Variants in SLC35F4 observed in about 807,000 individuals in gnomAD.
SLC35F4 encodes chromosome 14 open reading frame 36.
SLC35F4 carries 24 observed loss-of-function variants against 44.2 expected under a neutral mutation model. The observed-to-expected ratio is 0.54, with a 90% CI of 0.39 to 0.76. The LOEUF (loss-of-function observed/expected upper bound fraction) is 0.76. Ranked by LOEUF, SLC35F4 falls within the 30% of genes least tolerant of loss-of-function variation. The pLI is 0.00. For synonymous variants in SLC35F4, 238 were observed against 223.6 expected, an observed-to-expected ratio of 1.06 and a Z score of -0.57; for missense variants, 562 against 586.1, an observed-to-expected ratio of 0.96 and a Z score of 0.42.
intron 1 of SLC35F4, among the ~76,000 whole-genome samples, chr14:57,804,466 G>A (rs1204462019): frequency 2.6e-5 from 4 of 151,944 alleles, no homozygotes; most frequent in African/African-American, 4.8e-5. Flanking sequence ...AAATAAGACC[G>A]CACACCTACA....
intron 1 of SLC35F4, among the ~76,000 whole-genome samples, chr14:57,640,706 A>G (rs2073189075): frequency 6.6e-6 from 1 of 152,060 alleles, no homozygotes. Context: ...GCCCTGATAT[A>G]TCATTTTGGA....
intron 1 of SLC35F4, among the ~76,000 whole-genome samples, chr14:57,663,926 T>C (rs140157640): frequency 7.9e-4 from 121 of 152,290 alleles, no homozygotes; most frequent in African/African-American, 2.7e-3. Context: ...ATCCTGTTTT[T>C]ATTTTTTTGA....
At chr14:57,688,358 T>G (rs1162029248) in intron 1 of SLC35F4, among the ~76,000 whole-genome samples, 1 of 152,182 alleles carries the variant, frequency 6.6e-6, no homozygotes. Flanking sequence ...AAGAGCATAT[T>G]AAGACCTTGG....
intron 1 of SLC35F4, among the ~76,000 whole-genome samples, chr14:57,906,824 G>A (rs1019634547): frequency 1.2e-4 from 18 of 152,134 alleles, no homozygotes; most frequent in African/African-American, 3.6e-4. Context: ...GGTAAAATAC[G>A]TCCAATGATC....
intron 1 of SLC35F4, among the ~76,000 whole-genome samples, chr14:57,599,751 A>G (rs10873101): frequency 0.71 from 105,933 of 148,808 alleles, 38,504 homozygotes; most frequent in Middle Eastern, 0.8. Context: ...GCAGTGAGCT[A>G]AGATCACGCC....
intron 1 of SLC35F4, among the ~76,000 whole-genome samples, chr14:57,787,739 C>T (rs894826888): frequency 2.0e-5 from 3 of 152,186 alleles, no homozygotes; most frequent in Middle Eastern, 3.4e-3. Context: ...GCCACGACTA[C>T]AAGAATTGCA....
chr14:57,715,477 A>G (rs1410553028), intron 1 of SLC35F4, among the ~76,000 whole-genome samples: 3 of 152,226 alleles, frequency 2.0e-5, no homozygotes, highest in African/African-American at 7.2e-5. Context: ...GTGAATCTCT[A>G]TGAGATCAAA....
chr14:57,587,608 C>T (rs1196600165), intron 3 of SLC35F4, among the ~76,000 whole-genome samples: 1 of 152,070 alleles, frequency 6.6e-6, no homozygotes, highest in East Asian at 1.9e-4. Flanking sequence ...CATCCCACAC[C>T]AAGGCCTGTT....
At chr14:57,896,793 T>A (rs1479909607) in intron 1 of SLC35F4, among the ~76,000 whole-genome samples, 2 of 152,148 alleles carry the variant, frequency 1.3e-5, no homozygotes, top group Non-Finnish European at 2.9e-5. Flanking sequence ...AATGTTTGTT[T>A]ATGATTATTG....
intron 1 of SLC35F4, among the ~76,000 whole-genome samples, chr14:57,737,116 G>A (rs2076484723): frequency 6.6e-6 from 1 of 151,170 alleles, no homozygotes; most frequent in Non-Finnish European, 1.5e-5. Context: ...GTGTGTGTGT[G>A]TGTGTGTGCA....
rs10134758 is a variant in SLC35F4, at chr14:57,863,855, G to A, written c.103+1868C>T. Among the ~76,000 whole-genome samples, 682 of 152,286 alleles carry A rather than the reference G, an allele frequency of 4.5e-3. 4 individuals carry two copies. The highest frequency in any genetic ancestry group is 0.016 in the African/African-American group (649 of 41,536). On this transcript the variant is annotated intron_variant, in intron 1 of 7. Coordinates refer to ENST00000556826, the MANE Select transcript of SLC35F4 (RefSeq NM_001306087.2). ...TTTTAACTCTACGGTCTGAACTTAG[G>A]TAGGTAAGTGCCCATCACAAATAAC...
At chr14:57,820,314 T>C (rs1301371912) in intron 1 of SLC35F4, among the ~76,000 whole-genome samples, 1 of 152,198 alleles carries the variant, frequency 6.6e-6, no homozygotes, top group African/African-American at 2.4e-5. Flanking sequence ...TACTGATCGC[T>C]CTAAATAAAT....
intron 1 of SLC35F4, among the ~76,000 whole-genome samples, chr14:57,639,063 G>A (rs975545876): frequency 6.6e-6 from 1 of 152,142 alleles, no homozygotes; most frequent in African/African-American, 2.4e-5. Context: ...TTACCTGTAA[G>A]TGAAGGCATT....
Position 57,688,057 on chromosome 14 carries a change from T to C in SLC35F4, c.104-93933A>G, listed in dbSNP as rs1308089062. 1.3e-5 allele frequency among the ~76,000 whole-genome samples: 2 copies of C among 152,122 alleles called. 1 individual carries two copies. Among genetic ancestry groups the C allele is most frequent in the African/African-American group, 4.8e-5 (2 of 41,444 alleles). The stretch of plus-strand genomic sequence containing the variant: ...CTGAGGAATGTTTAGAGAATTCTGA[T>C]AGATATCATTTATAAAGAGCCTGAA... On this transcript the variant is annotated intron_variant, in intron 1 of 7. Coordinates refer to ENST00000556826, the MANE Select transcript of SLC35F4 (RefSeq NM_001306087.2).
At chr14:57,744,863 A>G (rs920676718) in intron 1 of SLC35F4, among the ~76,000 whole-genome samples, 22 of 152,218 alleles carry the variant, frequency 1.4e-4, no homozygotes, top group African/African-American at 4.8e-4. Context: ...ACAGTAGCCA[A>G]AACAGCATGG....
At chr14:57,607,031 A>G (rs2071203789) in intron 1 of SLC35F4, among the ~76,000 whole-genome samples, 1 of 152,186 alleles carries the variant, frequency 6.6e-6, no homozygotes, top group Admixed American at 6.5e-5. Context: ...CAGCAGGGGA[A>G]AAGCCAATTA....
intron 1 of SLC35F4, among the ~76,000 whole-genome samples, chr14:57,781,604 A>G (rs1176785344): frequency 2.0e-5 from 3 of 152,226 alleles, no homozygotes; most frequent in Non-Finnish European, 2.9e-5. Flanking sequence ...ATAAAGACAC[A>G]TGAATGCATA....
At chr14:57,812,710 A>C (rs1372566022) in intron 1 of SLC35F4, among the ~76,000 whole-genome samples, 2 of 151,102 alleles carry the variant, frequency 1.3e-5, no homozygotes, top group Non-Finnish European at 3.0e-5. Flanking sequence ...CGGACAAAGA[A>C]AAAAAAAAGC....
intron 1 of SLC35F4, among the ~76,000 whole-genome samples, chr14:57,900,837 A>T (rs1595277463): frequency 6.6e-6 from 1 of 152,214 alleles, no homozygotes; most frequent in East Asian, 1.9e-4. Flanking sequence ...AAGAAAAAAA[A>T]CCCATTAAAA....
Sources: gnomAD v4.1 joint callset for allele counts (sites outside exome capture counted in the v4.1 genomes callset) on GRCh38, gnomAD v4.1.1 for gene constraint, MANE v1.5 for transcripts, NCBI Gene and HGNC (gene_info 2026-07-23, HGNC 2026-07-21) for gene names.